CCZ1B: variants seen among roughly 807,000 people sequenced by gnomAD.
The protein encoded by CCZ1B is vacuolar fusion protein CCZ1 homolog B.
A neutral mutation model predicts 58.8 loss-of-function variants in CCZ1B; 25 were observed. The ratio of observed to expected loss-of-function variants is 0.43; its 90% CI spans 0.31 to 0.59. The LOEUF (loss-of-function observed/expected upper bound fraction) is 0.59, where lower values mean the gene tolerates loss of function less well. Among genes scored for constraint, CCZ1B ranks in the 20% least tolerant of loss-of-function variants. The pLI is 0.12. For missense variants in CCZ1B, 180 were observed against 501.5 expected (o/e 0.36, Z 6.12); for synonymous variants, 66 against 173.2 (o/e 0.38, Z 4.86).
Position 6,817,842 on chromosome 7 carries a change from G to A in CCZ1B, c.698+1924C>T, listed in dbSNP as rs13235647. Among the ~76,000 whole-genome samples, 34 of 148,974 alleles carry A rather than the reference G, an allele frequency of 2.3e-4. 2 individuals are homozygous for A. Among genetic ancestry groups the A allele is most frequent in the South Asian group, 2.1e-3 (10 of 4,698 alleles). ...AGCCTGGCCAACATGGTAAAACCCC[G>A]TCTCTACAAAAATTAGCTGGGTGTT... On this transcript the variant is annotated intron_variant, in intron 7 of 14. Transcript: ENST00000316731.
intron 1 of CCZ1B, among the ~76,000 whole-genome samples, chr7:6,825,658 C>A (rs1284930648): frequency 1.6e-5 from 2 of 126,894 alleles, no homozygotes; most frequent in African/African-American, 6.1e-5. Flanking sequence ...CACACACACA[C>A]ACACACCCCT....
At position 6,802,073 on chromosome 7, in the gene CCZ1B, C is replaced by T. The variant is rs201456125; in HGVS notation, c.1107-550G>A. 2.0e-3 allele frequency among the ~76,000 whole-genome samples: 187 copies of T among 94,874 alleles called. 8 individuals are homozygous for T. Among genetic ancestry groups the T allele is most frequent in the South Asian group, 9.8e-3 (10 of 1,022 alleles). The allele number at this position is 94,874 out of a possible 152,430, so 62.2% of individuals were successfully genotyped here. A position where few individuals can be genotyped will look rare whatever the true frequency, so the allele number is the denominator to read the frequency against. ...TGACCCCTGCTTGAGGAGAGTAACA[C>T]CTCGTTCCTCCCACAGTGCGGGGAA... On this transcript the variant is annotated intron_variant, in intron 12 of 14. Coordinates refer to ENST00000316731, the MANE Select transcript of CCZ1B (RefSeq NM_198097.5).
At chr7:6,818,986 C>A (rs1359045340) in intron 7 of CCZ1B, among the ~76,000 whole-genome samples, 3 of 148,116 alleles carry the variant, frequency 2.0e-5, no homozygotes, top group African/African-American at 7.7e-5. Context: ...TAAAAAAAAT[C>A]TAGTTTCTTT....
intron 8 of CCZ1B, among the ~76,000 whole-genome samples, chr7:6,813,521 G>A (rs1323227933): frequency 2.0e-5 from 3 of 149,154 alleles, no homozygotes; most frequent in Non-Finnish European, 3.0e-5. Flanking sequence ...GAGACCATCC[G>A]AGTCAACAAA....
At chr7:6,816,686 C>T (rs1342965380) in intron 7 of CCZ1B, among the ~76,000 whole-genome samples, 8 of 150,640 alleles carry the variant, frequency 5.3e-5, no homozygotes, top group Non-Finnish European at 8.8e-5. Flanking sequence ...ATGTGCACCA[C>T]GCCTGGCTTA....
intron 4 of CCZ1B, 141 bp from the exon 5 acceptor site, chr7:6,823,501 A>T (rs117732208): frequency 7.7e-7 from 1 of 1,292,370 alleles, no homozygotes; most frequent in Non-Finnish European, 1.0e-6. Context: ...GTGCTGAAAA[A>T]AAGTGTTTGC....
At chr7:6,804,399 T>C (rs1206492536) in intron 12 of CCZ1B, among the ~76,000 whole-genome samples, 2 of 128,696 alleles carry the variant, frequency 1.6e-5, no homozygotes, top group African/African-American at 5.8e-5. Flanking sequence ...CACTCCAGCC[T>C]GGGCGACAGA....
intron 10 of CCZ1B, chr7:6,811,497 T>C (rs1190356950): frequency 6.6e-6 from 1 of 152,146 alleles, no homozygotes; most frequent in African/African-American, 2.6e-5. Context: ...AAACTGCCTT[T>C]AATTAGAAAC....
At chr7:6,817,004 T>C (rs1583554362) in intron 7 of CCZ1B, among the ~76,000 whole-genome samples, 1 of 152,290 alleles carries the variant, frequency 6.6e-6, no homozygotes, top group Non-Finnish European at 1.5e-5. Flanking sequence ...TCTCAAGTGA[T>C]CCTCCTGCCT....
At chr7:6,809,719 C>G (rs988251203) in intron 10 of CCZ1B, among the ~76,000 whole-genome samples, 6 of 133,978 alleles carry the variant, frequency 4.5e-5, no homozygotes, top group Non-Finnish European at 6.3e-5. Context: ...AAGTGACTCT[C>G]AAGCACACCA....
intron 7 of CCZ1B, among the ~76,000 whole-genome samples, chr7:6,819,516 G>A (rs1301247136): frequency 6.7e-6 from 1 of 149,206 alleles, no homozygotes; most frequent in Admixed American, 6.7e-5. Flanking sequence ...TTACAGGTGT[G>A]AGCCACCGTG....
chr7:6,809,193 T>C (rs1455617674), intron 10 of CCZ1B, among the ~76,000 whole-genome samples: 2 of 119,446 alleles, frequency 1.7e-5, no homozygotes, highest in African/African-American at 7.4e-5. Flanking sequence ...CCTGTAGTAC[T>C]TCTAGAGAAC....
At chr7:6,821,432 G>C (rs1349217294) in intron 6 of CCZ1B, among the ~76,000 whole-genome samples, 2 of 152,308 alleles carry the variant, frequency 1.3e-5, no homozygotes. Context: ...GATAATATGC[G>C]AGTGGATAAT....
At chr7:6,812,261 G>T in intron 9 of CCZ1B, 198 bp from the exon 10 acceptor site, 1 of 543,342 alleles carries the variant, frequency 1.8e-6, no homozygotes, top group South Asian at 2.1e-5. Context: ...GGCTGAGCTG[G>T]GTGGATCACC....
At chr7:6,823,200 A>G in intron 5 of CCZ1B, 113 bp downstream of exon 5, 2 of 1,401,126 alleles carry the variant, frequency 1.4e-6, no homozygotes, top group Non-Finnish European at 1.9e-6. Context: ...CTTCTCTAAG[A>G]CAAATACAGA....
At chr7:6,821,552 A>C (rs1422540358) in intron 6 of CCZ1B, among the ~76,000 whole-genome samples, 1 of 152,278 alleles carries the variant, frequency 6.6e-6, no homozygotes, top group Admixed American at 6.5e-5. Context: ...AAATAGATAC[A>C]GAAGGTATTT....
intron 1 of CCZ1B, among the ~76,000 whole-genome samples, chr7:6,825,174 T>C (rs1783175069): frequency 6.7e-6 from 1 of 149,156 alleles, no homozygotes; most frequent in Non-Finnish European, 1.5e-5. Flanking sequence ...GGTGTGCCCA[T>C]CTGCAGACAC....
At chr7:6,818,667 CAGAA>C (rs139349494) in intron 7 of CCZ1B, among the ~76,000 whole-genome samples, 1,717 of 73,540 alleles carry the variant, frequency 0.023, 153 homozygotes, top group African/African-American at 0.054. Flanking sequence ...GAAAGACAGA[CAGAA>C]AGAAAGAAAG....
chr7:6,818,270 C>CA (rs1451827637), intron 7 of CCZ1B, among the ~76,000 whole-genome samples: 6 of 149,780 alleles, frequency 4.0e-5, no homozygotes, highest in African/African-American at 1.5e-4. Context: ...GGGGCTAGGC[C>CA]AGGTGCGGTG....
Sources: gnomAD v4.1 joint callset for allele counts (sites outside exome capture counted in the v4.1 genomes callset) on GRCh38, gnomAD v4.1.1 for gene constraint, MANE v1.5 for transcripts, NCBI Gene and HGNC (gene_info 2026-07-23, HGNC 2026-07-21) for gene names.